BBS9: variants seen among roughly 807,000 people sequenced by gnomAD.
BBS9 encodes the protein Bardet-Biedl syndrome 9, also known as protein PTHB1.
A neutral mutation model predicts 117.7 loss-of-function variants in BBS9; 89 were observed. The ratio of observed to expected loss-of-function variants is 0.76; its 90% CI spans 0.64 to 0.90. The LOEUF (loss-of-function observed/expected upper bound fraction) is 0.90, where lower values mean the gene tolerates loss of function less well. Among genes scored for constraint, BBS9 ranks in the 40% least tolerant of loss-of-function variants. The pLI is 0.00. For missense variants in BBS9, 982 were observed against 1,042.2 expected, an observed-to-expected ratio of 0.94 and a Z score of 0.80; for synonymous variants, 379 against 370.9, an observed-to-expected ratio of 1.02 and a Z score of -0.25.
intron 19 of BBS9, among the ~76,000 whole-genome samples, chr7:33,388,609 T>C (rs1471290218): frequency 2.0e-5 from 3 of 152,184 alleles, no homozygotes; most frequent in Non-Finnish European, 2.9e-5. Flanking sequence ...TTAAGCATCA[T>C]AGTTCAAAAA....
At chr7:33,321,535 A>T (rs1400838218) in intron 9 of BBS9, among the ~76,000 whole-genome samples, 1 of 151,856 alleles carries the variant, frequency 6.6e-6, no homozygotes, top group Non-Finnish European at 1.5e-5. Flanking sequence ...ATTGTTCACT[A>T]TTGGTATATA....
At chr7:33,193,719 A>T (rs1200813757) in intron 5 of BBS9, among the ~76,000 whole-genome samples, 2 of 151,998 alleles carry the variant, frequency 1.3e-5, no homozygotes, top group Admixed American at 1.3e-4. Context: ...TTACTGTAGG[A>T]TTTGGCTTCA....
rs1585413748 is a variant in BBS9 at position 33,596,321 on chromosome 7, T to C, written c.2522-8544T>C. 3.3e-5 allele frequency among the ~76,000 whole-genome samples: 5 copies of C among 151,210 alleles called. No individual in the cohort carries two copies. The East Asian group carries it at 9.8e-4, about 29-fold the overall frequency. ...ACACTTATATATGTGTGTGTGACTA[T>C]TGATACATATAATTGTAGATATATA... On this transcript the variant is annotated intron_variant, in intron 21 of 22. Coordinates refer to ENST00000242067, the MANE Select transcript of BBS9 (RefSeq NM_198428.3).
intron 19 of BBS9, among the ~76,000 whole-genome samples, chr7:33,504,265 A>T (rs1406105892): frequency 2.0e-5 from 3 of 152,186 alleles, no homozygotes; most frequent in Non-Finnish European, 4.4e-5. Context: ...GCCCTCAGCG[A>T]AGTGGCAAAG....
At chr7:33,144,457 G>A (rs886496167) in intron 1 of BBS9, among the ~76,000 whole-genome samples, 4 of 152,198 alleles carry the variant, frequency 2.6e-5, no homozygotes, top group African/African-American at 9.7e-5. Context: ...GTGATCAAGT[G>A]CAAAGGAGTA....
At chr7:33,540,622 A>C (rs1852144650) in intron 21 of BBS9, among the ~76,000 whole-genome samples, 1 of 152,248 alleles carries the variant, frequency 6.6e-6, no homozygotes, top group Admixed American at 6.5e-5. Context: ...CAGGAAAACA[A>C]CTATATAATT....
intron 5 of BBS9, among the ~76,000 whole-genome samples, chr7:33,228,789 T>C (rs1791779940): frequency 6.6e-6 from 1 of 152,122 alleles, no homozygotes; most frequent in Non-Finnish European, 1.5e-5. Flanking sequence ...CATCTTCACG[T>C]TGAATAGGCT....
chr7:33,282,300 C>T (rs561228762), intron 9 of BBS9, among the ~76,000 whole-genome samples: 5 of 152,056 alleles, frequency 3.3e-5, no homozygotes, highest in African/African-American at 1.2e-4. Flanking sequence ...AAATATCAAC[C>T]CTGATATTTT....
chr7:33,308,641 TC>T (rs1334395710), intron 9 of BBS9, among the ~76,000 whole-genome samples: 1 of 152,178 alleles, frequency 6.6e-6, no homozygotes, highest in Non-Finnish European at 1.5e-5. Flanking sequence ...ATAATGATTC[TC>T]CATCTCAGTC....
At chr7:33,515,735 G>A (rs912213667) in intron 20 of BBS9, among the ~76,000 whole-genome samples, 1 of 152,136 alleles carries the variant, frequency 6.6e-6, no homozygotes, top group African/African-American at 2.4e-5. Context: ...TGATCTCTGT[G>A]CGTGTCTTTC....
At chr7:33,350,843 C>T (rs770148877) in intron 13 of BBS9, among the ~76,000 whole-genome samples, 4 of 152,154 alleles carry the variant, frequency 2.6e-5, no homozygotes, top group Non-Finnish European at 4.4e-5. Context: ...TTCCAGGTGT[C>T]ACCACGCCCA....
At chr7:33,484,203 A>G (rs1360911019) in intron 19 of BBS9, among the ~76,000 whole-genome samples, 1 of 152,232 alleles carries the variant, frequency 6.6e-6, no homozygotes, top group Non-Finnish European at 1.5e-5. Flanking sequence ...ATGTTAATCA[A>G]TAGAGTCAGC....
chr7:33,247,791 G>T (rs1795588432), intron 5 of BBS9, among the ~76,000 whole-genome samples: 1 of 152,148 alleles, frequency 6.6e-6, no homozygotes, highest in African/African-American at 2.4e-5. Context: ...AAACTTTCAT[G>T]ATCGTTCCAT....
intron 21 of BBS9, among the ~76,000 whole-genome samples, chr7:33,576,455 C>A (rs1232712552): frequency 6.6e-6 from 1 of 152,106 alleles, no homozygotes; most frequent in African/African-American, 2.4e-5. Flanking sequence ...TAGGAAGAAT[C>A]AATATCGTGA....
At chr7:33,521,703 T>G (rs1340409540) in intron 20 of BBS9, among the ~76,000 whole-genome samples, 2 of 152,110 alleles carry the variant, frequency 1.3e-5, no homozygotes, top group African/African-American at 4.8e-5. Context: ...CATTTTTATG[T>G]TATTTTATTT....
chr7:33,149,889 A>G (rs1471366628), intron 2 of BBS9, among the ~76,000 whole-genome samples: 1 of 152,184 alleles, frequency 6.6e-6, no homozygotes, highest in Non-Finnish European at 1.5e-5. Flanking sequence ...ATCCCTGAAG[A>G]TAGGGCTATA....
chr7:33,141,549 G>T (rs1791465662), intron 1 of BBS9, among the ~76,000 whole-genome samples: 2 of 152,084 alleles, frequency 1.3e-5, no homozygotes, highest in South Asian at 4.1e-4. Flanking sequence ...TTTATTCCTT[G>T]TAGAGATGGG....
At chr7:33,328,626 A>G (rs956777795) in intron 9 of BBS9, among the ~76,000 whole-genome samples, 1 of 152,248 alleles carries the variant, frequency 6.6e-6, no homozygotes, top group Admixed American at 6.5e-5. Context: ...CTTGGTATCT[A>G]TATATAGTAG....
At chr7:33,477,959 T>A (rs1842027916) in intron 19 of BBS9, among the ~76,000 whole-genome samples, 1 of 152,060 alleles carries the variant, frequency 6.6e-6, no homozygotes, top group Admixed American at 6.6e-5. Flanking sequence ...AAGTGAAAGG[T>A]TTTCAGAGAG....
Sources: allele counts gnomAD v4.1 joint callset (sites outside exome capture counted in the v4.1 genomes callset), GRCh38; gene constraint gnomAD v4.1.1; transcripts MANE v1.5; gene names NCBI Gene and HGNC (gene_info 2026-07-23, HGNC 2026-07-21).